Variants in HELB observed in about 807,000 individuals in gnomAD.
HELB encodes DNA 5'-3' helicase B.
HELB carries 96 observed loss-of-function variants against 101.7 expected under a neutral mutation model. That is an observed-to-expected ratio of 0.94 (90% CI 0.80 to 1.12). The LOEUF is 1.12. Among genes scored for constraint, HELB ranks in the 50% most tolerant of loss-of-function variants. The pLI is 0.00. For missense variants in HELB, 1,210 were observed against 1,291.9 expected (o/e 0.94, Z 0.97); for synonymous variants, 437 against 459.7 (o/e 0.95, Z 0.63).
chr12:66,318,511 G>C (rs887736506), intron 6 of HELB, 127 bp from the exon 7 acceptor site: 6 of 788,040 alleles, frequency 7.6e-6, no homozygotes, highest in Non-Finnish European at 1.1e-5. Flanking sequence ...ATGCATACCT[G>C]GATGACCTTT....
At chr12:66,337,930 A>T in intron 12 of HELB, 71 bp from the exon 13 acceptor site, 1 of 849,798 alleles carries the variant, frequency 1.2e-6, no homozygotes, top group South Asian at 1.5e-5. Flanking sequence ...AAGCAGAGGG[A>T]ATACAAGTAC....
In HELB at chr12:66,331,557, T is replaced by C. The variant is rs1365623332; in HGVS notation, c.3074T>C (p.Val1025Ala). Reference protein sequence around the residue: ...ERWQLSSPDGVDTDDDLPKSR... With the variant: ...ERWQLSSPDGADTDDDLPKSR... ...TGGCAATTATCTTCACCTGATGGAG[T>C]AGATACAGATGATGATTTACCAAAA... Residue 1025 changes from valine (V) to alanine (A), a missense_variant, in exon 12 of 13, where the codon GTA becomes GCA. Physicochemically the swap from Val to Ala is moderately conservative, Grantham distance 64 (BLOSUM62 0). Around this residue, in one of 2 missense-constraint regions of HELB, gnomAD observed 740 missense variants for 728.8 expected, o/e 1.02. Coordinates refer to ENST00000247815, the MANE Select transcript of HELB (RefSeq NM_001370285.1). The C allele has an allele frequency of 1.2e-5, 19 of 1,613,586 alleles. No homozygotes were observed. Among genetic ancestry groups the C allele is most frequent in the Non-Finnish European group, 1.3e-5 (15 of 1,179,856 alleles).
rs139159226 is a variant in HELB, at chr12:66,323,333, C to G, written c.2297+550C>G. Among the ~76,000 whole-genome samples, 849 of 152,060 alleles carry G rather than the reference C, an allele frequency of 5.6e-3. 6 individuals are homozygous for G. Among genetic ancestry groups the G allele is most frequent in the Middle Eastern group, 0.02 (6 of 294 alleles). On this transcript the variant is annotated intron_variant, in intron 9 of 12. Coordinates refer to ENST00000247815, the MANE Select transcript of HELB (RefSeq NM_001370285.1). ...GTTACACAAAAATCTGTCAGGTAGC[C>G]CAACAAGAGGCCAGAAAGCATGGGC...
At chr12:66,316,035 C>T (rs1035093711) in intron 6 of HELB, among the ~76,000 whole-genome samples, 2 of 152,048 alleles carry the variant, frequency 1.3e-5, no homozygotes, top group Non-Finnish European at 2.9e-5. Context: ...ACAGTGGTGC[C>T]ATAAGATTAT....
chr12:66,308,742 T>C (rs1592631654), intron 3 of HELB, among the ~76,000 whole-genome samples: 1 of 152,106 alleles, frequency 6.6e-6, no homozygotes, highest in Non-Finnish European at 1.5e-5. Context: ...CATATTAGAG[T>C]AGGGCCCATC....
chr12:66,318,756 G>A lies in HELB; in HGVS notation c.2119G>A (p.Ala707Thr), dbSNP rs1463484733. The change falls in exon 7 of 13, where the codon GCC (alanine) becomes ACC (threonine). Residue 707 changes from alanine (A) to threonine (T), a missense_variant. Physicochemically the swap from Ala to Thr is moderately conservative, Grantham distance 58 (BLOSUM62 0). Coordinates refer to ENST00000247815, the MANE Select transcript of HELB (RefSeq NM_001370285.1). ...TTTTGTCAGGCTCCCAGAAGAGGATGCCAGTTCTCAGTCATCTAAAACTAA... is the reference window on the plus strand; with the variant it reads ...TTTTGTCAGGCTCCCAGAAGAGGATACCAGTTCTCAGTCATCTAAAACTAA... Reference protein sequence around the residue: ...FIFVRLPEEDASSQSSKTNHH... With the variant: ...FIFVRLPEEDTSSQSSKTNHH... 2 of 1,610,236 alleles carry A rather than the reference G, an allele frequency of 1.2e-6. No homozygotes were observed. Among genetic ancestry groups the A allele is most frequent in the Admixed American group, 1.7e-5 (1 of 58,898 alleles).
At chr12:66,336,646 C>T (rs1419821469) in intron 12 of HELB, among the ~76,000 whole-genome samples, 1 of 152,126 alleles carries the variant, frequency 6.6e-6, no homozygotes, top group Admixed American at 6.6e-5. Flanking sequence ...ACAGGGAAAA[C>T]GTTCTCTAGG....
At chr12:66,340,093 T>A (rs2053906597), downstream of HELB, 1 of 152,258 alleles carries the variant, frequency 6.6e-6, no homozygotes, top group African/African-American at 2.4e-5. Flanking sequence ...TGTATAAGTT[T>A]TTATGTGGAC....
In HELB at chr12:66,314,013, C is replaced by G. The variant is rs372025740; in HGVS notation, c.1708C>G (p.Gln570Glu). 2.7e-5 allele frequency: 44 copies of G among 1,613,624 alleles called. No individual in the cohort carries two copies. Among genetic ancestry groups the G allele is most frequent in the Non-Finnish European group, 1.7e-6 (2 of 1,179,758 alleles). The change falls in exon 5 of 13, where the codon CAA becomes GAA. Residue 570 changes from glutamine to glutamate, a missense_variant. By Grantham distance (29) the Gln-to-Glu change is conservative (BLOSUM62 2). Around this residue, in one of 2 missense-constraint regions of HELB, gnomAD observed 740 missense variants for 728.8 expected, o/e 1.02. Coordinates refer to ENST00000247815, the MANE Select transcript of HELB (RefSeq NM_001370285.1). ...CAATTATAGCTTCTATTCATGGACT[C>G]AAACAATGATGACCACAAACAAACC... ...QVNYSFYSWTQTMMTTNKPWK... is the reference protein window; with the variant it reads ...QVNYSFYSWTETMMTTNKPWK...
At position 66,318,772 on chromosome 12, in the gene HELB, C is replaced by T; in HGVS notation, c.2135C>T (p.Ser712Phe). The change falls in exon 7 of 13, where the codon TCT becomes TTT. Residue 712 changes from serine to phenylalanine, a missense_variant. Ser to Phe is a radical substitution (Grantham distance 155, BLOSUM62 -2). Around this residue, in one of 2 missense-constraint regions of HELB, gnomAD observed 740 missense variants for 728.8 expected, o/e 1.02. Transcript: ENST00000247815. ...LPEEDASSQS[S>F]KTNHHSCLYS... ...GAAGAGGATGCCAGTTCTCAGTCAT[C>T]TAAAACTAATCATCACTCTTGTAAG... 1 of 1,607,056 alleles carries T rather than the reference C, an allele frequency of 6.2e-7. No homozygotes were observed. The highest frequency in any genetic ancestry group is 8.5e-7 in the Non-Finnish European group (1 of 1,177,954).
In HELB at chr12:66,314,114, C is replaced by G. The variant is rs1418141355; in HGVS notation, c.1809C>G (p.Val603=). 1.2e-6 allele frequency: 2 copies of G among 1,613,750 alleles called. No homozygotes were observed. Among genetic ancestry groups the G allele is most frequent in the East Asian group, 2.2e-5 (1 of 44,854 alleles). The change falls in exon 5 of 13, where the codon GTC becomes GTG. Residue 603 remains valine, a synonymous_variant. Coordinates refer to ENST00000247815, the MANE Select transcript of HELB (RefSeq NM_001370285.1). ...TATCTGTAGGAATCTTCAAATCGGT[C>G]TTAAATTTATTGTGTGAGCACTCCA... is the stretch of plus-strand genomic sequence containing the variant. The part of the protein sequence containing the change: ...SLVSVGIFKS[V]LNLLCEHSKL...
In HELB at chr12:66,306,490, T is replaced by C; in HGVS notation, c.753T>C (p.His251=). Residue 251 remains histidine, a synonymous_variant, in exon 3 of 13, where the codon CAT becomes CAC. Coordinates refer to ENST00000247815, the MANE Select transcript of HELB (RefSeq NM_001370285.1). The stretch of plus-strand genomic sequence containing the variant: ...AGATAGAAGAGATTTTAGGTACACA[T>C]CCGTGGAAACTTGGATTTAGTAAAG... ...LKEIEEILGT[H]PWKLGFSKIT... 1.9e-6 allele frequency: 3 copies of C among 1,587,250 alleles called. No homozygotes were observed. Among genetic ancestry groups the C allele is most frequent in the Non-Finnish European group, 2.6e-6 (3 of 1,167,916 alleles).
At chr12:66,326,138 A>C (rs769423256) in intron 11 of HELB, among the ~76,000 whole-genome samples, 4 of 152,080 alleles carry the variant, frequency 2.6e-5, no homozygotes, top group Admixed American at 6.6e-5. Flanking sequence ...GCTTTATTTT[A>C]ATGCCCTTGA....
chr12:66,308,315 AC>A (rs2053501500), intron 3 of HELB, among the ~76,000 whole-genome samples: 2 of 152,184 alleles, frequency 1.3e-5, no homozygotes, highest in South Asian at 4.1e-4. Context: ...TCATTAGGGA[AC>A]AGTCCCCTCC....
At chr12:66,327,066 A>AAATAT (rs2053749764) in intron 11 of HELB, among the ~76,000 whole-genome samples, 1 of 46,818 alleles carries the variant, frequency 2.1e-5, no homozygotes, top group Non-Finnish European at 3.3e-5. Flanking sequence ...AAAAAAAAAA[A>AAATAT]ATATATATAT....
At chr12:66,330,333 C>T (rs1290117052) in intron 11 of HELB, among the ~76,000 whole-genome samples, 4 of 151,836 alleles carry the variant, frequency 2.6e-5, no homozygotes, top group African/African-American at 9.7e-5. Flanking sequence ...AAATAAATTG[C>T]CCAACAATGG....
In HELB at chr12:66,314,152, T is replaced by C; in HGVS notation, c.1847T>C (p.Leu616Pro). The change falls in exon 5 of 13, where the codon CTT (leucine) becomes CCT (proline). Residue 616 changes from leucine (L) to proline (P), a missense_variant. Leu to Pro is a moderately conservative substitution (Grantham distance 98). Coordinates refer to ENST00000247815, the MANE Select transcript of HELB (RefSeq NM_001370285.1). ...TGTGAGCACTCCAAACTTTCTAAGC[T>C]TATTATCCTTGGTAAGTTAAAATAT... ...LLCEHSKLSK[L>P]IILGDIRQLP... 6.2e-7 allele frequency: 1 copy of C among 1,612,332 alleles called. No individual in the cohort carries two copies. The highest frequency in any genetic ancestry group is 2.2e-5 in the East Asian group (1 of 44,832).
chr12:66,325,445 A>G lies in HELB; in HGVS notation c.2670+319A>G, dbSNP rs376705812. The stretch of plus-strand genomic sequence containing the variant: ...GTTAAATTCTGATATTTTGTTCATC[A>G]TGGATCCTTTTGTGCCTTAATTTTG... On this transcript the variant is annotated intron_variant, in intron 11 of 12. Coordinates refer to ENST00000247815, the MANE Select transcript of HELB (RefSeq NM_001370285.1). Among the ~76,000 whole-genome samples, 37 of 152,236 alleles carry G rather than the reference A, an allele frequency of 2.4e-4. No homozygotes were observed. The East Asian group carries it at 6.8e-3, about 28-fold the overall frequency.
chr12:66,322,381 G>A (rs1359452779), intron 8 of HELB, among the ~76,000 whole-genome samples: 7 of 151,690 alleles, frequency 4.6e-5, no homozygotes, highest in African/African-American at 7.3e-5. Flanking sequence ...TGGCCAAAAT[G>A]GTGAAACCCC....
Sources: allele counts gnomAD v4.1 joint callset (sites outside exome capture counted in the v4.1 genomes callset), GRCh38; gene constraint gnomAD v4.1.1; regional missense constraint gnomAD v4.1.1; transcripts MANE v1.5; gene names NCBI Gene and HGNC (gene_info 2026-07-23, HGNC 2026-07-21).